The following STPG2 variants were observed in gnomAD, a reference collection of about 807,000 sequenced individuals.
STPG2 encodes sperm tail PG-rich repeat containing 2, also known as sperm-tail PG-rich repeat-containing protein 2.
A neutral mutation model predicts 54.2 loss-of-function variants in STPG2; 56 were observed. The observed-to-expected ratio is 1.03, with a 90% confidence interval of 0.83 to 1.29. The LOEUF (loss-of-function observed/expected upper bound fraction) is 1.29, where lower values mean the gene tolerates loss of function less well. STPG2 is among the 50% of genes most tolerant of loss of function. The pLI, the probability that STPG2 is intolerant of heterozygous loss-of-function variation, is 0.00. For synonymous variants in STPG2, 200 were observed against 181.8 expected (o/e 1.10, Z -0.81); for missense variants, 596 against 544.9 (o/e 1.09, Z -0.93).
At chr4:98,116,820 T>C (rs973400910) in intron 3 of STPG2, among the ~76,000 whole-genome samples, 1 of 151,922 alleles carries the variant, frequency 6.6e-6, no homozygotes, top group Non-Finnish European at 1.5e-5. Context: ...ATGTAACTTA[T>C]ATTATCCTTA....
At chr4:97,691,010 G>A (rs917881181) in intron 10 of STPG2, among the ~76,000 whole-genome samples, 1 of 152,146 alleles carries the variant, frequency 6.6e-6, no homozygotes, top group Admixed American at 6.5e-5. Flanking sequence ...CTGTAAGAAC[G>A]CAATTAGTGT....
At chr4:97,473,262 G>C (rs567632139) in intron 4 of STPG2, among the ~76,000 whole-genome samples, 24 of 152,304 alleles carry the variant, frequency 1.6e-4, no homozygotes, top group African/African-American at 5.8e-4. Flanking sequence ...GGGTGGAACA[G>C]AGCCATATTT....
At chr4:97,661,931 T>A (rs1722386077) in intron 10 of STPG2, among the ~76,000 whole-genome samples, 1 of 152,150 alleles carries the variant, frequency 6.6e-6, no homozygotes, top group African/African-American at 2.4e-5. Flanking sequence ...CTCACTCAGC[T>A]TGAACAATAT....
chr4:97,903,529 T>C lies in STPG2; in HGVS notation c.1044+40368A>G, dbSNP rs375826393. 6.6e-5 allele frequency among the ~76,000 whole-genome samples: 10 copies of C among 151,032 alleles called. No individual in the cohort carries two copies. The South Asian group carries it at 1.0e-3, about 16-fold the overall frequency. ...AGTACAATAAATATAGAATCAAAAA[T>C]AAAGCCACAAGACGGCTATTTTAAA... On this transcript the variant is annotated intron_variant, in intron 8 of 10. Coordinates refer to ENST00000295268, the MANE Select transcript of STPG2 (RefSeq NM_174952.3).
intron 8 of STPG2, among the ~76,000 whole-genome samples, chr4:97,923,675 T>C (rs957687101): frequency 6.6e-6 from 1 of 152,190 alleles, no homozygotes; most frequent in African/African-American, 2.4e-5. Context: ...AGAATCTTTT[T>C]GTCTAGCTAA....
chr4:97,530,373 C>T (rs538050697), intron 4 of STPG2, among the ~76,000 whole-genome samples: 114 of 152,156 alleles, frequency 7.5e-4, no homozygotes, highest in African/African-American at 2.5e-3. Flanking sequence ...AATAACTGTG[C>T]GAAGGAATGA....
intron 4 of STPG2, among the ~76,000 whole-genome samples, chr4:97,466,508 G>A (rs536945959): frequency 6.6e-5 from 10 of 152,096 alleles, no homozygotes; most frequent in South Asian, 4.1e-4. Flanking sequence ...GGCTTGGGAC[G>A]TAGCAACTCA....
intron 9 of STPG2, among the ~76,000 whole-genome samples, chr4:97,737,257 T>C (rs6419141): frequency 0.84 from 127,603 of 152,090 alleles, 53,691 homozygotes; most frequent in Middle Eastern, 0.95. Context: ...CACAAAGATG[T>C]GGAAAAAACA....
intron 5 of STPG2, among the ~76,000 whole-genome samples, chr4:98,044,989 C>T (rs1292847793): frequency 6.6e-6 from 1 of 152,004 alleles, no homozygotes; most frequent in African/African-American, 2.4e-5. Context: ...GGAAAGCCTC[C>T]AGTACTAGCT....
At position 97,928,188 on chromosome 4, in the gene STPG2, C is replaced by A. The variant is rs979825466; in HGVS notation, c.1044+15709G>T. 2.8e-4 allele frequency among the ~76,000 whole-genome samples: 43 copies of A among 152,102 alleles called. 1 individual carries two copies. Among genetic ancestry groups the A allele is most frequent in the Non-Finnish European group, 5.9e-5 (4 of 67,980 alleles). On this transcript the variant is annotated intron_variant, in intron 8 of 10. Transcript: ENST00000295268. Reference sequence around the variant, plus strand: ...TTAAACTTGGTTTCCATCTGAGAGGCCCTCCTTGGCCATAAAAATTAAAAC... The same window carrying A: ...TTAAACTTGGTTTCCATCTGAGAGGACCTCCTTGGCCATAAAAATTAAAAC...
chr4:97,537,279 G>A (rs1182849821), intron 4 of STPG2, among the ~76,000 whole-genome samples: 1 of 152,176 alleles, frequency 6.6e-6, no homozygotes, highest in East Asian at 1.9e-4. Flanking sequence ...AGGGGTCAGG[G>A]AACTCCCTTT....
rs551322181 is a variant in STPG2 at position 97,628,040 on chromosome 4, G to A, written c.1321-68923C>T. ...ACTGCTTTACTCAGACCACAGGTTC[G>A]AATGCTAATCTCAGCCAGAAACACT... On this transcript the variant is annotated intron_variant, in intron 10 of 10. Coordinates refer to ENST00000295268, the MANE Select transcript of STPG2 (RefSeq NM_174952.3). Among the ~76,000 whole-genome samples the A allele has an allele frequency of 1.2e-4, 18 of 152,208 alleles. 1 individual carries two copies. In the South Asian group the frequency reaches 3.3e-3, roughly 28 times the overall value.
chr4:97,998,206 T>C (rs1215909930), intron 5 of STPG2, among the ~76,000 whole-genome samples: 1 of 152,184 alleles, frequency 6.6e-6, no homozygotes, highest in Non-Finnish European at 1.5e-5. Flanking sequence ...TCACCTTGAA[T>C]CTGACTGGCA....
At chr4:97,619,884 C>T (rs889002680) in intron 10 of STPG2, among the ~76,000 whole-genome samples, 10 of 148,778 alleles carry the variant, frequency 6.7e-5, no homozygotes, top group African/African-American at 1.2e-4. Flanking sequence ...AGTGCAGTGG[C>T]GCAATCTCGG....
At chr4:97,714,053 G>A (rs1037938832) in intron 9 of STPG2, among the ~76,000 whole-genome samples, 39 of 151,836 alleles carry the variant, frequency 2.6e-4, no homozygotes, top group Middle Eastern at 6.8e-3. Context: ...CAATGTATGG[G>A]GAGAGAAAAT....
intron 4 of STPG2, among the ~76,000 whole-genome samples, chr4:97,447,289 G>T (rs576126541): frequency 6.6e-6 from 1 of 152,206 alleles, no homozygotes; most frequent in African/African-American, 2.4e-5. Context: ...AAAATTTGCA[G>T]CCTTACCATG....
At chr4:97,759,743 TCAGGTGCAGTCTAAAA>T (rs2149052423) in intron 9 of STPG2, among the ~76,000 whole-genome samples, 1 of 152,310 alleles carries the variant, frequency 6.6e-6, no homozygotes, top group Admixed American at 6.5e-5. Context: ...TGCTGGAGTT[TCAGGTGCAGTCTAAAA>T]GTGCATCCTA....
chr4:97,449,346 G>A (rs1474809355), intron 4 of STPG2, among the ~76,000 whole-genome samples: 2 of 152,100 alleles, frequency 1.3e-5, no homozygotes, highest in Non-Finnish European at 2.9e-5. Context: ...TTTGTTAAAT[G>A]CATATTATCT....
intron 9 of STPG2, among the ~76,000 whole-genome samples, chr4:97,778,823 C>A (rs1198176880): frequency 6.6e-6 from 1 of 152,136 alleles, no homozygotes; most frequent in African/African-American, 2.4e-5. Flanking sequence ...GCAAATAGAG[C>A]CTGGAGTGGA....
Sources: allele counts gnomAD v4.1 joint callset (sites outside exome capture counted in the v4.1 genomes callset), GRCh38; gene constraint gnomAD v4.1.1; transcripts MANE v1.5; gene names NCBI Gene and HGNC (gene_info 2026-07-23, HGNC 2026-07-21).